Variants in DZIP3 observed in about 807,000 individuals in gnomAD.
DZIP3 encodes E3 ubiquitin-protein ligase DZIP3.
A neutral mutation model predicts 162.0 loss-of-function variants in DZIP3; 118 were observed. The ratio of observed to expected loss-of-function variants is 0.73; its 90% CI spans 0.63 to 0.85. The LOEUF is 0.85. Ranked by LOEUF, DZIP3 falls within the 40% of genes least tolerant of loss-of-function variation. The pLI, the probability that DZIP3 is intolerant of heterozygous loss-of-function variation, is 0.00. For synonymous variants in DZIP3, 438 were observed against 458.6 expected, an observed-to-expected ratio of 0.96 and a Z score of 0.57; for missense variants, 1,331 against 1,407.0, an observed-to-expected ratio of 0.95 and a Z score of 0.86.
intron 12 of DZIP3, 147 bp from the exon 13 acceptor site, chr3:108,642,291 G>A (rs893867640): frequency 1.1e-6 from 1 of 873,104 alleles, no homozygotes; most frequent in African/African-American, 1.8e-5. Flanking sequence ...TTGTTGGTGA[G>A]CTCTATTTGT....
At chr3:108,623,985 G>A (rs1307615699) in intron 5 of DZIP3, among the ~76,000 whole-genome samples, 2 of 152,180 alleles carry the variant, frequency 1.3e-5, no homozygotes, top group Non-Finnish European at 2.9e-5. Flanking sequence ...GCTGTAGTCA[G>A]GGGATGGAGG....
At chr3:108,654,833 C>A (rs535564041) in intron 19 of DZIP3, among the ~76,000 whole-genome samples, 2 of 152,140 alleles carry the variant, frequency 1.3e-5, no homozygotes, top group East Asian at 3.9e-4. Context: ...GATTTAAGTG[C>A]TCAACAGCAA....
intron 3 of DZIP3, 46 bp from the exon 4 acceptor site, chr3:108,611,128 G>T: frequency 1.3e-6 from 2 of 1,503,720 alleles, no homozygotes; most frequent in South Asian, 1.3e-5. Flanking sequence ...AAGAGTGAAT[G>T]AGAATATGCA....
At chr3:108,632,612 T>C (rs1941940851) in intron 8 of DZIP3, among the ~76,000 whole-genome samples, 1 of 152,216 alleles carries the variant, frequency 6.6e-6, no homozygotes, top group Non-Finnish European at 1.5e-5. Flanking sequence ...TCTCTGTGTG[T>C]ATATAGTAGA....
rs1454190489 is a variant in DZIP3, at chr3:108,655,952, C to T, written c.2199+1642C>T. 4.6e-5 allele frequency among the ~76,000 whole-genome samples: 7 copies of T among 152,160 alleles called. No homozygotes were observed. In the East Asian group the frequency reaches 1.3e-3, roughly 29 times the overall value. ...GGTGGCAGCGAGGCTAGGGGAGGGGCGTCTGCCATTGCCAAGGCTTGAGTA... is the reference window on the plus strand; with the variant it reads ...GGTGGCAGCGAGGCTAGGGGAGGGGTGTCTGCCATTGCCAAGGCTTGAGTA... On this transcript the variant is annotated intron_variant, in intron 19 of 32. Transcript: ENST00000361582.
chr3:108,686,733 A>C (rs772494825), intron 28 of DZIP3, 149 bp downstream of exon 28: 19 of 949,020 alleles, frequency 2.0e-5, no homozygotes, highest in Non-Finnish European at 2.6e-5. Context: ...AGGAAAAAGA[A>C]ATTTACCAAG....
intron 25 of DZIP3, among the ~76,000 whole-genome samples, chr3:108,677,234 G>A (rs1944143388): frequency 6.6e-6 from 1 of 151,104 alleles, no homozygotes; most frequent in African/African-American, 2.4e-5. Context: ...AAGCACTGAG[G>A]AATTATCACA....
chr3:108,644,364 T>A lies in DZIP3; in HGVS notation c.1342T>A (p.Ser448Thr). ...TTGGACCAATCATCCTTTGGGTGGA[T>A]CATGGCATCTGCTTTATCCTCCTAA... ...HLWTNHPLGG[S>T]WHLLYPPNKE... The change falls in exon 14 of 33, where the codon TCA becomes ACA. Residue 448 changes from serine (S) to threonine (T), a missense_variant. Coordinates refer to ENST00000361582, the MANE Select transcript of DZIP3 (RefSeq NM_014648.4). 6.2e-7 allele frequency: 1 copy of A among 1,614,098 alleles called. No individual in the cohort carries two copies. The highest frequency in any genetic ancestry group is 1.7e-5 in the Admixed American group (1 of 60,004).
chr3:108,677,404 T>C (rs1028528226), intron 25 of DZIP3, 93 bp from the exon 26 acceptor site: 1 of 1,025,674 alleles, frequency 9.7e-7, no homozygotes. Flanking sequence ...CACTCTTGTA[T>C]GTTGTATTAT....
intron 21 of DZIP3, among the ~76,000 whole-genome samples, chr3:108,668,098 G>GT (rs1305019910): frequency 2.6e-5 from 4 of 152,154 alleles, no homozygotes; most frequent in African/African-American, 4.8e-5. Flanking sequence ...AAATGGTGTG[G>GT]TTTTTTGGCC....
intron 23 of DZIP3, among the ~76,000 whole-genome samples, chr3:108,673,296 A>T (rs900958277): frequency 4.6e-5 from 7 of 151,954 alleles, no homozygotes; most frequent in African/African-American, 1.7e-4. Context: ...GGGATCCTGG[A>T]AGTCAGCAAC....
chr3:108,624,525 G>A lies in DZIP3; in HGVS notation c.456+1G>A, dbSNP rs751940620. 5.9e-6 allele frequency: 9 copies of A among 1,526,606 alleles called. No homozygotes were observed. Among genetic ancestry groups the A allele is most frequent in the Admixed American group, 5.5e-5 (3 of 54,726 alleles). The allele number at this position is 1,526,606 out of a possible 1,614,324, so 94.6% of individuals were successfully genotyped here. ...ACTCACTGAAAGAGGAAAGAAAGAG[G>A]TATGTAACATGTTATTTGCCCTTTA... On this transcript the variant is annotated splice_donor_variant, in intron 6 of 32. Transcript: ENST00000361582. LOFTEE classifies it high-confidence loss of function.
chr3:108,643,744 A>T (rs1365278183), intron 13 of DZIP3, among the ~76,000 whole-genome samples: 4 of 152,116 alleles, frequency 2.6e-5, no homozygotes, highest in Non-Finnish European at 5.9e-5. Context: ...ACATTTTATC[A>T]CATGACGTTC....
intron 4 of DZIP3, among the ~76,000 whole-genome samples, chr3:108,614,588 T>G (rs1940899003): frequency 6.6e-6 from 1 of 152,206 alleles, no homozygotes; most frequent in Admixed American, 6.5e-5. Context: ...CTCTGGACAA[T>G]TCTAGTTTTC....
At chr3:108,619,233 T>G (rs1404883538) in intron 5 of DZIP3, among the ~76,000 whole-genome samples, 1 of 151,192 alleles carries the variant, frequency 6.6e-6, no homozygotes. Context: ...AGCAGAGGAG[T>G]CCAGGGTTCT....
intron 1 of DZIP3, among the ~76,000 whole-genome samples, chr3:108,602,351 G>A (rs1022980424): frequency 3.9e-5 from 6 of 152,170 alleles, no homozygotes; most frequent in African/African-American, 1.4e-4. Context: ...GAACAGTAAG[G>A]AAGGCATGTC....
intron 24 of DZIP3, among the ~76,000 whole-genome samples, chr3:108,675,448 T>C (rs1944068586): frequency 6.6e-6 from 1 of 152,038 alleles, no homozygotes; most frequent in Non-Finnish European, 1.5e-5. Flanking sequence ...TAGAGAACAC[T>C]GCTGTATTAG....
At chr3:108,660,170 T>C (rs1384118972) in intron 19 of DZIP3, among the ~76,000 whole-genome samples, 2 of 152,100 alleles carry the variant, frequency 1.3e-5, no homozygotes, top group Admixed American at 1.3e-4. Context: ...AAAAAGAGCC[T>C]GCATTGCGAA....
Position 108,651,158 on chromosome 3 carries a change from C to T in DZIP3, c.2029C>T (p.Gln677Ter). 1.3e-6 allele frequency: 1 copy of T among 747,754 alleles called. No homozygotes were observed. The allele number at this position is 747,754 out of a possible 1,614,324, so 46.3% of individuals were successfully genotyped here. ...NKKNKDSKED[Q>*]VPYVVEKEEQ... The stretch of plus-strand genomic sequence containing the variant: ...TCAGAATAAAGACTCAAAAGAAGAC[C>T]AAGTGTAAGTATTAGTTTATTTAAT... Residue 677 changes from glutamine to a stop codon, truncating the protein, a stop_gained, in exon 18 of 33, where the codon CAA (glutamine) becomes TAA (stop). Transcript: ENST00000361582. LOFTEE classifies it high-confidence loss of function.
Sources: allele counts gnomAD v4.1 joint callset (sites outside exome capture counted in the v4.1 genomes callset), GRCh38; gene constraint gnomAD v4.1.1; transcripts MANE v1.5; gene names NCBI Gene and HGNC (gene_info 2026-07-23, HGNC 2026-07-21).